Variants in SGCD observed in about 807,000 individuals in gnomAD.
SGCD encodes the protein sarcoglycan delta.
In SGCD, 18 loss-of-function variants were observed where a neutral mutation model predicts 36.6. That is an observed-to-expected ratio of 0.49 (90% CI 0.34 to 0.73). The LOEUF (loss-of-function observed/expected upper bound fraction) is 0.73. SGCD is among the 30% of genes least tolerant of loss of function. The pLI, the probability that SGCD is intolerant of heterozygous loss-of-function variation, is 0.01. For missense variants in SGCD, 387 were observed against 346.7 expected (o/e 1.12, Z -0.92); for synonymous variants, 133 against 130.6 (o/e 1.02, Z -0.12).
At chr5:156,281,624 G>A (rs1328226014) in intron 3 of SGCD, among the ~76,000 whole-genome samples, 1 of 152,078 alleles carries the variant, frequency 6.6e-6, no homozygotes, top group Non-Finnish European at 1.5e-5. Context: ...AAACTTTCAT[G>A]AACCTTACAT....
At chr5:156,417,744 A>G (rs56347407) in intron 3 of SGCD, among the ~76,000 whole-genome samples, 7,714 of 152,136 alleles carry the variant, frequency 0.051, 408 homozygotes, top group African/African-American at 0.13. Context: ...GAAGCCCTAT[A>G]CTTAGTACAG....
chr5:156,607,228 C>A (rs758736483), intron 6 of SGCD, among the ~76,000 whole-genome samples: 43 of 152,136 alleles, frequency 2.8e-4, no homozygotes, highest in Non-Finnish European at 5.4e-4. Flanking sequence ...CCATCAATAC[C>A]TAGTTTATTG....
chr5:156,737,628 A>G (rs1756441766), intron 7 of SGCD, among the ~76,000 whole-genome samples: 1 of 152,174 alleles, frequency 6.6e-6, no homozygotes, highest in African/African-American at 2.4e-5. Context: ...GTGGACACAG[A>G]ATACTCTTGA....
upstream of SGCD, among the ~76,000 whole-genome samples, chr5:156,324,694 T>A (rs1045786569): frequency 2.2e-4 from 33 of 152,308 alleles, no homozygotes; most frequent in African/African-American, 7.9e-4. Context: ...GAGTTTTTTT[T>A]AAATTGATTA....
chr5:155,921,509 G>C (rs1284778660), intron 1 of SGCD, among the ~76,000 whole-genome samples: 1 of 151,970 alleles, frequency 6.6e-6, no homozygotes, highest in Non-Finnish European at 1.5e-5. Context: ...AGCAGTAGAG[G>C]GGTAGTGGGC....
intron 1 of SGCD, among the ~76,000 whole-genome samples, chr5:156,045,048 A>C (rs1207346809): frequency 6.6e-6 from 1 of 152,188 alleles, no homozygotes; most frequent in Non-Finnish European, 1.5e-5. Flanking sequence ...TTCTTGCTAC[A>C]GTTATTCCAT....
rs540686970 is a variant in SGCD, at chr5:156,482,139, G to T, written c.193-26462G>T. Among the ~76,000 whole-genome samples the T allele has an allele frequency of 7.2e-5, 11 of 152,240 alleles. No individual in the cohort carries two copies. In the South Asian group the frequency reaches 2.3e-3, roughly 32 times the overall value. On this transcript the variant is annotated intron_variant, in intron 3 of 8. Transcript: ENST00000337851. ...CTGAAATATCAGCATTTGAGCCAAG[G>T]CGGAACCCAAGGGATTAGGTGTTGG... is the stretch of plus-strand genomic sequence containing the variant.
At chr5:156,246,005 A>C (rs1184148034) in intron 3 of SGCD, among the ~76,000 whole-genome samples, 1 of 152,186 alleles carries the variant, frequency 6.6e-6, no homozygotes, top group East Asian at 1.9e-4. Flanking sequence ...ATACAACCAC[A>C]GTGACAGGAC....
intron 3 of SGCD, among the ~76,000 whole-genome samples, chr5:156,171,803 C>G (rs1763352414): frequency 6.6e-6 from 1 of 152,096 alleles, no homozygotes; most frequent in South Asian, 2.1e-4. Flanking sequence ...AAATCCAACT[C>G]TAGTGGCAAT....
chr5:156,627,902 A>G (rs757922839), intron 6 of SGCD, among the ~76,000 whole-genome samples: 12 of 152,188 alleles, frequency 7.9e-5, no homozygotes, highest in African/African-American at 2.4e-5. Flanking sequence ...ATCACCTGCA[A>G]AGATGAAGTG....
At chr5:156,506,660 A>C in intron 3 of SGCD, among the ~76,000 whole-genome samples, 1 of 152,218 alleles carries the variant, frequency 6.6e-6, no homozygotes, top group East Asian at 1.9e-4. Context: ...GGAAATTAGA[A>C]AATTATAGGG....
intron 1 of SGCD, among the ~76,000 whole-genome samples, chr5:155,922,912 G>A (rs374885343): frequency 6.6e-6 from 1 of 152,198 alleles, no homozygotes; most frequent in Non-Finnish European, 1.5e-5. Context: ...GAATGCCCCA[G>A]TGCTCCAATG....
At chr5:156,250,949 G>A (rs1407251006) in intron 3 of SGCD, among the ~76,000 whole-genome samples, 1 of 152,158 alleles carries the variant, frequency 6.6e-6, no homozygotes, top group African/African-American at 2.4e-5. Context: ...AACACGCATT[G>A]CTCTGGAAAG....
At chr5:156,475,929 G>A (rs1001651616) in intron 3 of SGCD, among the ~76,000 whole-genome samples, 2 of 152,170 alleles carry the variant, frequency 1.3e-5, no homozygotes, top group South Asian at 4.1e-4. Flanking sequence ...CTTGCAGCAG[G>A]GTGCATTGGA....
At chr5:156,716,041 A>G (rs962973283) in intron 7 of SGCD, among the ~76,000 whole-genome samples, 9 of 152,206 alleles carry the variant, frequency 5.9e-5, no homozygotes, top group African/African-American at 1.7e-4. Flanking sequence ...TGCCGAAACT[A>G]TATTTAGTAT....
chr5:155,769,242 A>T, the SGCD span, among the ~76,000 whole-genome samples: 2 of 152,124 alleles, frequency 1.3e-5, no homozygotes, highest in Non-Finnish European at 2.9e-5. Context: ...AGTATGCTAG[A>T]ATGTATTCCA....
chr5:156,259,101 T>C (rs78933190), intron 3 of SGCD, among the ~76,000 whole-genome samples: 2,055 of 151,332 alleles, frequency 0.014, 55 homozygotes, highest in African/African-American at 0.047. Flanking sequence ...CTATATCTTC[T>C]CAAACACTGG....
chr5:155,970,191 C>T (rs1757981511), intron 1 of SGCD, among the ~76,000 whole-genome samples: 1 of 152,006 alleles, frequency 6.6e-6, no homozygotes. Context: ...AAGAGCTTTC[C>T]TATTCTTCTC....
intron 3 of SGCD, among the ~76,000 whole-genome samples, chr5:156,432,923 G>C (rs1054013238): frequency 2.0e-5 from 3 of 152,128 alleles, no homozygotes; most frequent in Non-Finnish European, 4.4e-5. Flanking sequence ...TTCAGACCAC[G>C]CTCCTTCCTA....
Sources: allele counts gnomAD v4.1 joint callset (sites outside exome capture counted in the v4.1 genomes callset), GRCh38; gene constraint gnomAD v4.1.1; transcripts MANE v1.5; gene names NCBI Gene and HGNC (gene_info 2026-07-23, HGNC 2026-07-21).